DCLRE1A: variants seen among roughly 807,000 people sequenced by gnomAD.
DCLRE1A encodes DNA cross-link repair 1A.
A neutral mutation model predicts 91.9 loss-of-function variants in DCLRE1A; 64 were observed. That is an observed-to-expected ratio of 0.70 (90% CI 0.57 to 0.86). The LOEUF (loss-of-function observed/expected upper bound fraction) is 0.86, where lower values mean the gene tolerates loss of function less well. DCLRE1A is among the 40% of genes least tolerant of loss of function. The pLI, the probability that DCLRE1A is intolerant of heterozygous loss-of-function variation, is 0.00. For missense variants in DCLRE1A, 1,145 were observed against 1,213.3 expected, an observed-to-expected ratio of 0.94 and a Z score of 0.84; for synonymous variants, 416 against 431.1, an observed-to-expected ratio of 0.96 and a Z score of 0.43.
intron 7 of DCLRE1A, 115 bp from the exon 8 acceptor site, chr10:113,837,318 T>G: frequency 1.2e-6 from 1 of 869,166 alleles, no homozygotes; most frequent in Non-Finnish European, 1.7e-6. Context: ...TTTTAAGCAT[T>G]AGCTTCAACA....
In DCLRE1A at chr10:113,844,145, A is replaced by G. The variant is rs1845491695; in HGVS notation, c.2478T>C (p.Leu826=). Residue 826 remains leucine (L), a synonymous_variant, in exon 5 of 9, where the codon CTT becomes CTC. Transcript: ENST00000361384. Reference sequence around the variant, plus strand: ...GCATATGGACTTTCTGGTCCGCAAGAAGAGAACGTTCCATGCTGGGATCTG... The same window carrying G: ...GCATATGGACTTTCTGGTCCGCAAGGAGAGAACGTTCCATGCTGGGATCTG... ...FRADPSMERS[L]LADQKVHMLY... 6.8e-6 allele frequency: 11 copies of G among 1,614,170 alleles called. No homozygotes were observed. The African/African-American group carries it at 1.1e-4, about 16-fold the overall frequency.
In DCLRE1A at chr10:113,853,911, G is replaced by C. The variant is rs1214291179; in HGVS notation, c.-729C>G. On this transcript the variant is annotated 5_prime_UTR_variant, in exon 1 of 9. Coordinates refer to ENST00000361384, the MANE Select transcript of DCLRE1A (RefSeq NM_014881.5). ...TTCAAATATGTGAAAGAGTGGGCTT[G>C]TATTGAGGTCTGACTCCGTATTGCA... is the stretch of plus-strand genomic sequence containing the variant. 6.6e-6 allele frequency: 1 copy of C among 152,178 alleles called. No homozygotes were observed. The highest frequency in any genetic ancestry group is 2.4e-5 in the African/African-American group (1 of 41,426). 9.4% of individuals were successfully genotyped at this position (152,178 alleles called of 1,614,324 possible). A position where few individuals can be genotyped will look rare whatever the true frequency, so the allele number is the denominator to read the frequency against.
At chr10:113,846,399 T>TA (rs1845538394) in intron 3 of DCLRE1A, among the ~76,000 whole-genome samples, 1 of 152,200 alleles carries the variant, frequency 6.6e-6, no homozygotes, top group South Asian at 2.1e-4. Flanking sequence ...TAATGAGCAT[T>TA]AAAATGTTCA....
intron 3 of DCLRE1A, among the ~76,000 whole-genome samples, 179 bp from the exon 4 acceptor site, chr10:113,845,982 C>T (rs540263304): frequency 4.6e-5 from 7 of 152,294 alleles, no homozygotes; most frequent in African/African-American, 7.2e-5. Flanking sequence ...GCTTGAAAAT[C>T]GTCACTGACT....
Position 113,847,330 on chromosome 10 carries a change from C to T in DCLRE1A, c.2131G>A (p.Gly711Ser), listed in dbSNP as rs368419548. 3.7e-5 allele frequency: 59 copies of T among 1,613,194 alleles called. No homozygotes were observed. Among genetic ancestry groups the T allele is most frequent in the Middle Eastern group, 1.7e-4 (1 of 6,056 alleles). ...CPFYKKIPGT[G>S]FTVDAFQYGV... Reference sequence around the variant, plus strand: ...TACTGAAAGGCATCAACTGTAAAGCCGGTTCCTGCAATAAAAATACCGACA... The same window carrying T: ...TACTGAAAGGCATCAACTGTAAAGCTGGTTCCTGCAATAAAAATACCGACA... The change falls in exon 3 of 9, where the codon GGC (glycine) becomes AGC (serine). Residue 711 changes from glycine (G) to serine (S), a missense_variant. Gly to Ser is a moderately conservative substitution (Grantham distance 56). Transcript: ENST00000361384.
rs1462132164 is a variant in DCLRE1A, at chr10:113,851,130, A to G, written c.461-486T>C. Among the ~76,000 whole-genome samples the G allele has an allele frequency of 2.0e-5, 3 of 152,340 alleles. No homozygotes were observed. In the East Asian group the frequency reaches 5.8e-4, roughly 29 times the overall value. The stretch of plus-strand genomic sequence containing the variant: ...GAGTCTACTCAAAGGAGTTTAGTGA[A>G]AAACCAAAAGAAAAATTTTTTGAGG... On this transcript the variant is annotated intron_variant, in intron 1 of 8. Coordinates refer to ENST00000361384, the MANE Select transcript of DCLRE1A (RefSeq NM_014881.5).
chr10:113,850,915 A>G (rs907400883), intron 1 of DCLRE1A, among the ~76,000 whole-genome samples: 12 of 152,186 alleles, frequency 7.9e-5, no homozygotes, highest in African/African-American at 2.9e-4. Flanking sequence ...GAAACTTTCT[A>G]TAAGCCATCT....
In DCLRE1A at chr10:113,853,007, T is replaced by A; in HGVS notation, c.176A>T (p.Glu59Val). Residue 59 changes from glutamate to valine, a missense_variant, in exon 1 of 9, where the codon GAG becomes GTG. By Grantham distance (121) the Glu-to-Val change is moderately radical. Transcript: ENST00000361384. ...RNRKRAAEAK[E>V]VKDHEVPLGN... Reference sequence around the variant, plus strand: ...AAGGGGCACTTCATGGTCCTTCACCTCTTTAGCTTCTGCGGCTCTTTTTCT... The same window carrying A: ...AAGGGGCACTTCATGGTCCTTCACCACTTTAGCTTCTGCGGCTCTTTTTCT... 6.2e-7 allele frequency: 1 copy of A among 1,614,034 alleles called. No individual in the cohort carries two copies. The highest frequency in any genetic ancestry group is 8.5e-7 in the Non-Finnish European group (1 of 1,180,014).
At position 113,846,706 on chromosome 10, in the gene DCLRE1A, C is replaced by G. The variant is rs151168350; in HGVS notation, c.2259+496G>C. Among the ~76,000 whole-genome samples, 255 of 152,292 alleles carry G rather than the reference C, an allele frequency of 1.7e-3. 2 individuals are homozygous for G. Among genetic ancestry groups the G allele is most frequent in the African/African-American group, 6.0e-3 (249 of 41,560 alleles). On this transcript the variant is annotated intron_variant, in intron 3 of 8. Coordinates refer to ENST00000361384, the MANE Select transcript of DCLRE1A (RefSeq NM_014881.5). ...AAAATGGCATAGTATTTGCATATAA[C>G]CTATGCATATCCTCTTTAAATCATC...
chr10:113,848,297 A>G (rs1845575873), intron 2 of DCLRE1A, among the ~76,000 whole-genome samples: 1 of 152,150 alleles, frequency 6.6e-6, no homozygotes, highest in African/African-American at 2.4e-5. Flanking sequence ...AGCCTAGGCG[A>G]CAGAGCGAGA....
intron 2 of DCLRE1A, among the ~76,000 whole-genome samples, chr10:113,848,252 G>C (rs1425912957): frequency 1.3e-5 from 2 of 152,126 alleles, no homozygotes; most frequent in Admixed American, 6.5e-5. Context: ...GGGAGGTGGA[G>C]CTTGCAGTGA....
chr10:113,843,228 C>T (rs917447352), intron 5 of DCLRE1A, among the ~76,000 whole-genome samples: 2 of 152,046 alleles, frequency 1.3e-5, no homozygotes, highest in African/African-American at 4.8e-5. Flanking sequence ...ACATATTTTT[C>T]CCAATTTTCA....
Position 113,853,290 on chromosome 10 carries a change from A to ATTGT in DCLRE1A, c.-109_-108insACAA. 9.0e-7 allele frequency: 1 copy of ATTGT among 1,116,096 alleles called. No homozygotes were observed. Among genetic ancestry groups the ATTGT allele is most frequent in the Non-Finnish European group, 1.2e-6 (1 of 815,868 alleles). The allele number at this position is 1,116,096 out of a possible 1,614,324, so 69.1% of individuals were successfully genotyped here. A position where few individuals can be genotyped will look rare whatever the true frequency, so the allele number is the denominator to read the frequency against. On this transcript the variant is annotated 5_prime_UTR_variant, in exon 1 of 9. Transcript: ENST00000361384. ...AATTATTTTGCTGAGAAAAAAAACAAAGGTAACAAAACCCCCACCAACTCA... is the reference window on the plus strand; with the variant it reads ...AATTATTTTGCTGAGAAAAAAAACAATTGTAGGTAACAAAACCCCCACCAACTCA...
intron 8 of DCLRE1A, among the ~76,000 whole-genome samples, chr10:113,835,606 C>T (rs371237789): frequency 1.1e-4 from 16 of 152,234 alleles, no homozygotes; most frequent in African/African-American, 3.6e-4. Flanking sequence ...GCGATTGGAT[C>T]ATGGGGGCAG....
At chr10:113,841,610 A>G in intron 6 of DCLRE1A, 50 bp from the exon 7 acceptor site, 8 of 1,534,912 alleles carry the variant, frequency 5.2e-6, no homozygotes, top group Admixed American at 2.3e-5. Context: ...GCTTGTGAAA[A>G]AAAGTTACAG....
At chr10:113,846,712 C>T (rs1306265306) in intron 3 of DCLRE1A, among the ~76,000 whole-genome samples, 1 of 152,314 alleles carries the variant, frequency 6.6e-6, no homozygotes, top group African/African-American at 2.4e-5. Context: ...ATAACCTATG[C>T]ATATCCTCTT....
Position 113,850,158 on chromosome 10 carries a change from G to A in DCLRE1A, c.947C>T (p.Pro316Leu), listed in dbSNP as rs148108618. The A allele has an allele frequency of 4.4e-4, 706 of 1,614,042 alleles. 2 individuals are homozygous for A. The African/African-American group carries it at 7.5e-3, about 17-fold the overall frequency. Reference sequence around the variant, plus strand: ...AAACAGTTGTTCTTGTGAATCATCCGGTTTTTCATCGATATCATGAGTGTC... The same window carrying A: ...AAACAGTTGTTCTTGTGAATCATCCAGTTTTTCATCGATATCATGAGTGTC... ...DEDTHDIDEKPDDSQEQLFFT... is the reference protein window; with the variant it reads ...DEDTHDIDEKLDDSQEQLFFT... The change falls in exon 2 of 9, where the codon CCG becomes CTG. Residue 316 changes from proline (P) to leucine (L), a missense_variant. Physicochemically the swap from Pro to Leu is moderately conservative, Grantham distance 98. Transcript: ENST00000361384.
chr10:113,848,870 A>C, intron 2 of DCLRE1A, 110 bp downstream of exon 2: 1 of 1,026,542 alleles, frequency 9.7e-7, no homozygotes, highest in Non-Finnish European at 1.4e-6. Context: ...AGCAAAGGAA[A>C]CACATACAAA....
chr10:113,839,217 C>T (rs1025683891), intron 7 of DCLRE1A, among the ~76,000 whole-genome samples: 6 of 148,942 alleles, frequency 4.0e-5, no homozygotes, highest in African/African-American at 7.4e-5. Context: ...CCCAGCTACT[C>T]GGGAGGCTGA....
Sources: gnomAD v4.1 joint callset for allele counts (sites outside exome capture counted in the v4.1 genomes callset) on GRCh38, gnomAD v4.1.1 for gene constraint, MANE v1.5 for transcripts, NCBI Gene and HGNC (gene_info 2026-07-23, HGNC 2026-07-21) for gene names.